The following PMM2 variants were observed in gnomAD, a reference collection of about 807,000 sequenced individuals.
PMM2 encodes mannose-6-phosphate isomerase.
A neutral mutation model predicts 33.2 loss-of-function variants in PMM2; 35 were observed. The observed-to-expected ratio is 1.06, with a 90% CI of 0.81 to 1.40. The LOEUF (loss-of-function observed/expected upper bound fraction) is 1.40, where lower values mean the gene tolerates loss of function less well. Among genes scored for constraint, PMM2 ranks in the 40% most tolerant of loss-of-function variants. The probability of loss-of-function intolerance (pLI) is 0.00; values close to 1 mark genes in which losing one functional copy is unlikely to be tolerated. For missense variants in PMM2, 386 were observed against 306.0 expected (o/e 1.26, Z -1.95); for synonymous variants, 153 against 114.7 (o/e 1.33, Z -2.13).
intron 7 of PMM2, among the ~76,000 whole-genome samples, chr16:8,819,852 A>C (rs1201589758): frequency 2.0e-5 from 3 of 152,168 alleles, no homozygotes; most frequent in Non-Finnish European, 4.4e-5. Context: ...CCTCTTACAG[A>C]GGAAGCACAG....
At position 8,848,993 on chromosome 16, in the gene PMM2, C is replaced by T. The variant is rs1231669737; in HGVS notation, c.*1168C>T. ...CTTTTCAGGATGTGGAAACACTGAG[C>T]CATACACCCTCCATTGCTTGGTGCT... On this transcript the variant is annotated 3_prime_UTR_variant, in exon 8 of 8. Coordinates refer to ENST00000268261, the MANE Select transcript of PMM2 (RefSeq NM_000303.3). The T allele has an allele frequency of 6.6e-6, 1 of 152,254 alleles. No homozygotes were observed. Among genetic ancestry groups the T allele is most frequent in the Non-Finnish European group, 1.5e-5 (1 of 68,070 alleles). 9.4% of individuals were successfully genotyped at this position (152,254 alleles called of 1,614,324 possible).
chr16:8,824,683 A>T (rs2060756701), intron 7 of PMM2, among the ~76,000 whole-genome samples: 1 of 151,860 alleles, frequency 6.6e-6, no homozygotes, highest in Non-Finnish European at 1.5e-5. Context: ...TTAGAATTTG[A>T]TCTTGGGAAG....
intron 1 of PMM2, among the ~76,000 whole-genome samples, chr16:8,798,406 C>T (rs1055155739): frequency 2.0e-5 from 3 of 152,178 alleles, no homozygotes; most frequent in African/African-American, 7.2e-5. Context: ...GTGTGACCTT[C>T]AGCGAGTCAT....
intron 7 of PMM2, among the ~76,000 whole-genome samples, chr16:8,846,903 G>A (rs913829564): frequency 4.6e-5 from 7 of 152,134 alleles, no homozygotes; most frequent in East Asian, 1.9e-4. Context: ...TCCCTTTGTC[G>A]CCCAGGCTGG....
chr16:8,798,939 G>C (rs921092690), intron 1 of PMM2, among the ~76,000 whole-genome samples: 2 of 152,168 alleles, frequency 1.3e-5, no homozygotes, highest in Admixed American at 6.5e-5. Flanking sequence ...CCACAGGTTT[G>C]ATTTACCTAG....
chr16:8,809,269 A>C (rs2060664373), intron 4 of PMM2: 2 of 152,202 alleles, frequency 1.3e-5, no homozygotes, highest in Non-Finnish European at 2.9e-5. Flanking sequence ...ATAGTAGAAA[A>C]AGATGAGGGA....
intron 1 of PMM2, among the ~76,000 whole-genome samples, chr16:8,799,806 A>G (rs1302449458): frequency 6.6e-6 from 1 of 151,976 alleles, no homozygotes; most frequent in Non-Finnish European, 1.5e-5. Context: ...TCGGCCTCCC[A>G]AAGTGCTGGG....
At chr16:8,825,439 C>A (rs1338343698) in intron 7 of PMM2, among the ~76,000 whole-genome samples, 2 of 152,202 alleles carry the variant, frequency 1.3e-5, no homozygotes, top group Admixed American at 1.3e-4. Flanking sequence ...GATTCTCCTG[C>A]CTCCCAAGTA....
chr16:8,810,146 A>T (rs1377355090), intron 4 of PMM2: 1 of 152,218 alleles, frequency 6.6e-6, no homozygotes, highest in African/African-American at 2.4e-5. Context: ...ATTTGAAGTG[A>T]CTAAACTAAT....
intron 7 of PMM2, among the ~76,000 whole-genome samples, chr16:8,834,475 G>C (rs1302951763): frequency 6.6e-6 from 1 of 151,822 alleles, no homozygotes; most frequent in Non-Finnish European, 1.5e-5. Context: ...CTTATCTAGT[G>C]AAAGTGTCTA....
intron 7 of PMM2, among the ~76,000 whole-genome samples, chr16:8,845,231 A>T (rs966473415): frequency 1.3e-5 from 2 of 152,170 alleles, no homozygotes; most frequent in African/African-American, 4.8e-5. Flanking sequence ...CACAAAGTAC[A>T]TCCTCAAGAG....
rs1392777690 is a variant in PMM2, at chr16:8,798,053, C to A, written c.66+105C>A. The A allele has an allele frequency of 6.6e-6, 7 of 1,058,700 alleles. No homozygotes were observed. In the African/African-American group the frequency reaches 7.8e-5, roughly 12 times the overall value. The allele number at this position is 1,058,700 out of a possible 1,614,324, so 65.6% of individuals were successfully genotyped here. ...TAGGCGCCAAGGGGTGGCTAAGGAC[C>A]GCCTACGTCCTCACGGCGCTGAACC... On this transcript the variant is annotated intron_variant, in intron 1 of 7. Coordinates refer to ENST00000268261, the MANE Select transcript of PMM2 (RefSeq NM_000303.3).
intron 7 of PMM2, among the ~76,000 whole-genome samples, chr16:8,839,638 T>G (rs995032587): frequency 6.6e-6 from 1 of 151,994 alleles, no homozygotes; most frequent in Admixed American, 6.6e-5. Flanking sequence ...CAATAATTAC[T>G]GCTAATGTTT....
intron 7 of PMM2, among the ~76,000 whole-genome samples, chr16:8,847,040 T>G (rs11861671): frequency 6.6e-6 from 1 of 151,908 alleles, no homozygotes; most frequent in East Asian, 1.9e-4. Context: ...ATTTTTGTAT[T>G]TTAAGTAGAA....
At chr16:8,832,758 C>A (rs899323676) in intron 7 of PMM2, 1 of 984,860 alleles carries the variant, frequency 1.0e-6, no homozygotes, top group African/African-American at 1.7e-5. Flanking sequence ...CCGTGAAATC[C>A]CAGGTGCTTA....
At chr16:8,847,371 T>G (rs1596509370) in intron 7 of PMM2, among the ~76,000 whole-genome samples, 1 of 59,366 alleles carries the variant, frequency 1.7e-5, no homozygotes, top group Middle Eastern at 8.5e-3. Context: ...AAAGCGTAGG[T>G]ACAGCTAAAA....
intron 7 of PMM2, among the ~76,000 whole-genome samples, chr16:8,840,614 A>G (rs2060883551): frequency 6.6e-6 from 1 of 152,048 alleles, no homozygotes; most frequent in Admixed American, 6.6e-5. Flanking sequence ...CTGTTCTTCG[A>G]AATACGACTG....
At chr16:8,811,774 G>T (rs1465812617) in intron 6 of PMM2, 61 bp downstream of exon 6, 5 of 1,101,594 alleles carry the variant, frequency 4.5e-6, no homozygotes, top group Admixed American at 1.7e-5. Flanking sequence ...TTTGTTGTGG[G>T]CCAGTGAGCT....
rs1460691341 is a variant in PMM2, at chr16:8,813,085, C to A, written c.618C>A (p.Phe206Leu). 1 of 1,603,888 alleles carries A rather than the reference C, an allele frequency of 6.2e-7. No homozygotes were observed. ...ATGACGGTTATAAGACCATTTATTT[C>A]TTTGGAGACAAAACTATGCCAGTAA... is the stretch of plus-strand genomic sequence containing the variant. The part of the protein sequence containing the change: ...VENDGYKTIY[F>L]FGDKTMPGGN... Residue 206 changes from phenylalanine (F) to leucine (L), a missense_variant, in exon 7 of 8, where the codon TTC becomes TTA. Coordinates refer to ENST00000268261, the MANE Select transcript of PMM2 (RefSeq NM_000303.3).
Sources: allele counts gnomAD v4.1 joint callset (sites outside exome capture counted in the v4.1 genomes callset), GRCh38; gene constraint gnomAD v4.1.1; transcripts MANE v1.5; gene names NCBI Gene and HGNC (gene_info 2026-07-23, HGNC 2026-07-21).